GALNT13: variants seen among roughly 807,000 people sequenced by gnomAD.
GALNT13 encodes UDP-GalNAc:polypeptide N-acetylgalactosaminyltransferase 13.
In GALNT13, 28 loss-of-function variants were observed where a neutral mutation model predicts 64.2. The ratio of observed to expected loss-of-function variants is 0.44; its 90% CI spans 0.32 to 0.60. The LOEUF (loss-of-function observed/expected upper bound fraction) is 0.60. Among genes scored for constraint, GALNT13 ranks in the 20% least tolerant of loss-of-function variants. The pLI, the probability that GALNT13 is intolerant of heterozygous loss-of-function variation, is 0.05. For missense variants in GALNT13, 577 were observed against 669.8 expected, an observed-to-expected ratio of 0.86 and a Z score of 1.53; for synonymous variants, 214 against 224.6, an observed-to-expected ratio of 0.95 and a Z score of 0.42.
At chr2:153,852,756 A>G in the GALNT13 span, among the ~76,000 whole-genome samples, 1 of 152,230 alleles carries the variant, frequency 6.6e-6, no homozygotes, top group Non-Finnish European at 1.5e-5. Context: ...AGCTTTAAAC[A>G]TATAACAGCC....
At chr2:153,365,592 C>A in the GALNT13 span, among the ~76,000 whole-genome samples, 10 of 152,148 alleles carry the variant, frequency 6.6e-5, no homozygotes, top group Non-Finnish European at 1.5e-4. Flanking sequence ...AGGATATGAA[C>A]AGACCCTTCT....
At chr2:154,108,026 C>T (rs1702718167) in intron 3 of GALNT13, among the ~76,000 whole-genome samples, 1 of 152,026 alleles carries the variant, frequency 6.6e-6, no homozygotes, top group Non-Finnish European at 1.5e-5. Flanking sequence ...GGGTTGATTC[C>T]ATGACTTGAC....
intron 2 of GALNT13, among the ~76,000 whole-genome samples, chr2:153,930,828 C>T (rs897890614): frequency 2.6e-5 from 4 of 151,954 alleles, no homozygotes; most frequent in African/African-American, 9.7e-5. Flanking sequence ...GCCATATGAA[C>T]TTTAGAATAG....
intron 11 of GALNT13, among the ~76,000 whole-genome samples, chr2:154,423,373 C>T (rs1369620936): frequency 3.3e-5 from 5 of 152,034 alleles, no homozygotes; most frequent in African/African-American, 9.7e-5. Context: ...AATAAACATA[C>T]GTGTGCATGT....
intron 2 of GALNT13, among the ~76,000 whole-genome samples, chr2:153,942,699 A>G (rs1397384453): frequency 6.6e-6 from 1 of 152,010 alleles, no homozygotes; most frequent in Non-Finnish European, 1.5e-5. Context: ...CATTATATAT[A>G]TATATACACA....
the GALNT13 span, among the ~76,000 whole-genome samples, chr2:153,539,571 A>G: frequency 6.6e-6 from 1 of 151,856 alleles, no homozygotes. Flanking sequence ...ATTTTTGTAT[A>G]AAGTGTAAGG....
chr2:153,633,164 G>A, the GALNT13 span, among the ~76,000 whole-genome samples: 1 of 151,886 alleles, frequency 6.6e-6, no homozygotes, highest in Non-Finnish European at 1.5e-5. Context: ...TCCCATTTTG[G>A]GAAACTGAAA....
chr2:154,172,684 A>C (rs1264718695), intron 4 of GALNT13, among the ~76,000 whole-genome samples: 2 of 151,876 alleles, frequency 1.3e-5, no homozygotes, highest in East Asian at 1.9e-4. Context: ...GCATACATAC[A>C]GAGCACATTT....
the GALNT13 span, among the ~76,000 whole-genome samples, chr2:153,110,878 C>A: frequency 6.6e-6 from 1 of 152,090 alleles, no homozygotes; most frequent in Non-Finnish European, 1.5e-5. Flanking sequence ...TAGAAAAAAT[C>A]ATTTTTCATT....
At chr2:153,964,908 T>C (rs1693224887) in intron 3 of GALNT13, among the ~76,000 whole-genome samples, 1 of 152,154 alleles carries the variant, frequency 6.6e-6, no homozygotes, top group African/African-American at 2.4e-5. Context: ...TTTTATCATA[T>C]GTCTATATGG....
At chr2:153,505,294 A>G in the GALNT13 span, among the ~76,000 whole-genome samples, 3 of 152,086 alleles carry the variant, frequency 2.0e-5, no homozygotes, top group Non-Finnish European at 4.4e-5. Flanking sequence ...CTAATGGTCT[A>G]TCATTTTATT....
At chr2:153,608,179 A>G in the GALNT13 span, among the ~76,000 whole-genome samples, 1 of 152,168 alleles carries the variant, frequency 6.6e-6, no homozygotes, top group Non-Finnish European at 1.5e-5. Flanking sequence ...AGGTTAAGAG[A>G]TTAATAGTGG....
intron 9 of GALNT13, among the ~76,000 whole-genome samples, chr2:154,325,793 T>G (rs1694847079): frequency 6.6e-6 from 1 of 152,104 alleles, no homozygotes; most frequent in African/African-American, 2.4e-5. Context: ...TGTATTTCAT[T>G]TTTTAATTTT....
At chr2:153,788,779 A>G in the GALNT13 span, among the ~76,000 whole-genome samples, 1 of 152,124 alleles carries the variant, frequency 6.6e-6, no homozygotes, top group Non-Finnish European at 1.5e-5. Context: ...TGGAAATCAG[A>G]AAAAAAGCAG....
intron 12 of GALNT13, among the ~76,000 whole-genome samples, chr2:154,444,124 G>C (rs1435927373): frequency 1.3e-5 from 2 of 152,054 alleles, no homozygotes; most frequent in Non-Finnish European, 2.9e-5. Context: ...AGGATTGCTA[G>C]AGCCCAAGAG....
At chr2:153,174,211 TG>T in the GALNT13 span, among the ~76,000 whole-genome samples, 1 of 152,166 alleles carries the variant, frequency 6.6e-6, no homozygotes, top group African/African-American at 2.4e-5. Context: ...TGACCCACCC[TG>T]GGGGGTCATT....
the GALNT13 span, among the ~76,000 whole-genome samples, chr2:153,504,477 T>C: frequency 6.6e-6 from 1 of 152,210 alleles, no homozygotes; most frequent in Non-Finnish European, 1.5e-5. Context: ...TCAAAGGGAA[T>C]GTTTTCAACT....
the GALNT13 span, among the ~76,000 whole-genome samples, chr2:153,597,682 G>C: frequency 1.3e-5 from 2 of 151,966 alleles, no homozygotes; most frequent in Admixed American, 6.6e-5. Flanking sequence ...TATCAAGAAA[G>C]TAAAAAGACA....
chr2:154,273,810 T>G (rs892344024), intron 8 of GALNT13, among the ~76,000 whole-genome samples: 1 of 152,138 alleles, frequency 6.6e-6, no homozygotes, highest in African/African-American at 2.4e-5. Flanking sequence ...CTTTCAGTGT[T>G]GCATGTACAC....
Sources: allele counts gnomAD v4.1 joint callset (sites outside exome capture counted in the v4.1 genomes callset), GRCh38; gene constraint gnomAD v4.1.1; transcripts MANE v1.5; gene names NCBI Gene and HGNC (gene_info 2026-07-23, HGNC 2026-07-21).